The following WDR27 variants were observed in gnomAD, a reference collection of about 807,000 sequenced individuals.
WDR27 encodes WD repeat-containing protein 27.
In WDR27, 100 loss-of-function variants were observed where a neutral mutation model predicts 114.4. The observed-to-expected ratio is 0.87, with a 90% CI of 0.74 to 1.03. WDR27 has a LOEUF of 1.03. Among genes scored for constraint, WDR27 ranks in the 50% least tolerant of loss-of-function variants. The pLI, the probability that WDR27 is intolerant of heterozygous loss-of-function variation, is 0.00. For synonymous variants in WDR27, 449 were observed against 423.1 expected, an observed-to-expected ratio of 1.06 and a Z score of -0.75; for missense variants, 1,129 against 1,092.9, an observed-to-expected ratio of 1.03 and a Z score of -0.47.
At chr6:169,559,924 T>C (rs752584915) in intron 25 of WDR27, 2 of 152,220 alleles carry the variant, frequency 1.3e-5, no homozygotes, top group Non-Finnish European at 2.9e-5. Context: ...CTCAGTTTCC[T>C]TACCTGCGAT....
chr6:169,562,222 C>A (rs1266347161), intron 25 of WDR27, among the ~76,000 whole-genome samples: 1 of 152,152 alleles, frequency 6.6e-6, no homozygotes, highest in African/African-American at 2.4e-5. Context: ...ACTGCGCCGC[C>A]AACAGCAGAG....
At chr6:169,630,371 C>A (rs1816037154) in intron 21 of WDR27, among the ~76,000 whole-genome samples, 1 of 152,266 alleles carries the variant, frequency 6.6e-6, no homozygotes, top group African/African-American at 2.4e-5. Flanking sequence ...CAAATCGGCG[C>A]ATGTCAAGTG....
At chr6:169,661,025 G>A (rs1396139241) in intron 9 of WDR27, among the ~76,000 whole-genome samples, 3 of 152,002 alleles carry the variant, frequency 2.0e-5, no homozygotes, top group South Asian at 2.1e-4. Flanking sequence ...CCCCACGTGC[G>A]CCCCCTGGCC....
intron 25 of WDR27, among the ~76,000 whole-genome samples, chr6:169,482,434 T>G (rs574458617): frequency 2.4e-4 from 37 of 152,326 alleles, no homozygotes; most frequent in Non-Finnish European, 1.2e-4. Flanking sequence ...CATCTGTATT[T>G]TTTGACTTTT....
At chr6:169,657,126 G>A (rs1162322509) in intron 13 of WDR27, among the ~76,000 whole-genome samples, 1 of 152,180 alleles carries the variant, frequency 6.6e-6, no homozygotes, top group African/African-American at 2.4e-5. Context: ...CAGCAGCAGG[G>A]ACCGCCATGG....
downstream of WDR27, among the ~76,000 whole-genome samples, chr6:169,455,206 G>T (rs750459231): frequency 4.7e-4 from 72 of 152,200 alleles, 1 homozygote; most frequent in Admixed American, 3.5e-3. Flanking sequence ...GACTTTGCAC[G>T]GGAGCAGTAT....
At chr6:169,448,172 G>A in the WDR27 span, among the ~76,000 whole-genome samples, 1 of 152,140 alleles carries the variant, frequency 6.6e-6, no homozygotes, top group Non-Finnish European at 1.5e-5. Flanking sequence ...CCGAAGTGCT[G>A]AGATTACAGG....
chr6:169,667,270 A>G, intron 5 of WDR27, 83 bp from the exon 6 acceptor site: 1 of 1,337,866 alleles, frequency 7.5e-7, no homozygotes, highest in Non-Finnish European at 9.6e-7. Flanking sequence ...ACTATTCACT[A>G]TCAGATTAGT....
Position 169,642,603 on chromosome 6 carries a change from A to T in WDR27, c.1747+1094T>A, listed in dbSNP as rs1819510528. On this transcript the variant is annotated intron_variant, in intron 17 of 25. Coordinates refer to ENST00000448612, the MANE Select transcript of WDR27 (RefSeq NM_182552.5). ...GCCCGGAGAACCGTTCTCCACCCAG[A>T]CCATGCAGGGGGCGGCAGCTTTGCT... is the stretch of plus-strand genomic sequence containing the variant. Among the ~76,000 whole-genome samples the T allele has an allele frequency of 2.6e-5, 4 of 152,100 alleles. No homozygotes were observed. In the South Asian group the frequency reaches 8.3e-4, roughly 32 times the overall value.
intron 25 of WDR27, among the ~76,000 whole-genome samples, chr6:169,508,333 C>T (rs971828431): frequency 1.3e-4 from 20 of 152,258 alleles, no homozygotes; most frequent in African/African-American, 4.8e-4. Context: ...GAAAGCCATA[C>T]ACCAATTATT....
At chr6:169,435,309 C>A in the WDR27 span, among the ~76,000 whole-genome samples, 6 of 152,146 alleles carry the variant, frequency 3.9e-5, no homozygotes, top group Non-Finnish European at 5.9e-5. Context: ...TGGGTGAGTC[C>A]CCACTGGGGC....
the WDR27 span, among the ~76,000 whole-genome samples, chr6:169,443,710 A>G: frequency 6.6e-6 from 1 of 152,186 alleles, no homozygotes; most frequent in Non-Finnish European, 1.5e-5. Flanking sequence ...CTCAGGCCTG[A>G]TGTCATCGCT....
intron 25 of WDR27, among the ~76,000 whole-genome samples, chr6:169,539,821 C>A (rs1796625523): frequency 1.3e-5 from 2 of 152,184 alleles, no homozygotes; most frequent in Admixed American, 1.3e-4. Flanking sequence ...AACACAATAA[C>A]CCCTGTGGAC....
In WDR27 at chr6:169,622,736, G is replaced by A. The variant is rs954185927; in HGVS notation, c.2224-9080C>T. 5.9e-5 allele frequency among the ~76,000 whole-genome samples: 9 copies of A among 152,278 alleles called. No individual in the cohort carries two copies. In the South Asian group the frequency reaches 1.0e-3, roughly 18 times the overall value. ...CCTCAGGAGAGCACTGCAGTGTTTC[G>A]ACACGGGAGAAGCGTCCCGGTGAAA... On this transcript the variant is annotated intron_variant, in intron 21 of 25. Coordinates refer to ENST00000448612, the MANE Select transcript of WDR27 (RefSeq NM_182552.5).
intron 21 of WDR27, among the ~76,000 whole-genome samples, chr6:169,618,278 T>C (rs1278566003): frequency 6.6e-6 from 1 of 152,196 alleles, no homozygotes; most frequent in Non-Finnish European, 1.5e-5. Flanking sequence ...AAATTAGCTG[T>C]CTAGTATTAT....
chr6:169,461,072 T>C (rs1219552328), intron 25 of WDR27, among the ~76,000 whole-genome samples: 1 of 151,488 alleles, frequency 6.6e-6, no homozygotes, highest in Non-Finnish European at 1.5e-5. Context: ...TACAAAGAAA[T>C]ATAAATATTA....
the WDR27 span, among the ~76,000 whole-genome samples, chr6:169,450,482 C>T: frequency 6.6e-6 from 1 of 152,196 alleles, no homozygotes; most frequent in African/African-American, 2.4e-5. Flanking sequence ...CGGCCCTCAC[C>T]CAACCACCAC....
chr6:169,511,730 A>G (rs73789988), intron 25 of WDR27, among the ~76,000 whole-genome samples: 1 of 152,142 alleles, frequency 6.6e-6, no homozygotes, highest in South Asian at 2.1e-4. Flanking sequence ...GCTCTAGATA[A>G]TATCTGAGTA....
chr6:169,520,305 A>T (rs1794212930), intron 25 of WDR27, among the ~76,000 whole-genome samples: 3 of 152,206 alleles, frequency 2.0e-5, no homozygotes, highest in African/African-American at 7.2e-5. Context: ...GAACTGAGGC[A>T]AACCTGAGCT....
Sources: gnomAD v4.1 joint callset for allele counts (sites outside exome capture counted in the v4.1 genomes callset) on GRCh38, gnomAD v4.1.1 for gene constraint, MANE v1.5 for transcripts, NCBI Gene and HGNC (gene_info 2026-07-23, HGNC 2026-07-21) for gene names.